The following ANO3 variants were observed in gnomAD, a reference collection of about 807,000 sequenced individuals.
ANO3 encodes anoctamin-3.
In ANO3, 99 loss-of-function variants were observed where a neutral mutation model predicts 144.8. The observed-to-expected ratio is 0.68, with a 90% CI of 0.58 to 0.81. The LOEUF (loss-of-function observed/expected upper bound fraction) is 0.81. Among genes scored for constraint, ANO3 ranks in the 30% least tolerant of loss-of-function variants. The pLI, the probability that ANO3 is intolerant of heterozygous loss-of-function variation, is 0.00. For synonymous variants in ANO3, 414 were observed against 392.6 expected (o/e 1.05, Z -0.64); for missense variants, 905 against 1,202.2 (o/e 0.75, Z 3.66).
intron 17 of ANO3, among the ~76,000 whole-genome samples, chr11:26,614,031 A>G (rs1423596558): frequency 1.3e-5 from 2 of 152,220 alleles, no homozygotes; most frequent in Non-Finnish European, 2.9e-5. Context: ...CTGTCAGGCC[A>G]TGCAGGCACA....
intron 1 of ANO3, among the ~76,000 whole-genome samples, chr11:26,215,467 C>T (rs1333714694): frequency 6.6e-6 from 1 of 151,806 alleles, no homozygotes; most frequent in African/African-American, 2.4e-5. Context: ...TTTTTTCCCC[C>T]TATTGGGACA....
chr11:26,317,758 G>A (rs1292850548), intron 1 of ANO3, among the ~76,000 whole-genome samples: 4 of 152,132 alleles, frequency 2.6e-5, no homozygotes, highest in South Asian at 2.1e-4. Context: ...CCATTACTGG[G>A]TATATACCCA....
chr11:26,295,623 T>C (rs2133857960), intron 1 of ANO3, among the ~76,000 whole-genome samples: 1 of 152,232 alleles, frequency 6.6e-6, no homozygotes, highest in African/African-American at 2.4e-5. Flanking sequence ...AAAAAAGTTA[T>C]TAATTTTTTA....
At chr11:26,199,359 G>C (rs1851648944) in intron 1 of ANO3, among the ~76,000 whole-genome samples, 1 of 152,058 alleles carries the variant, frequency 6.6e-6, no homozygotes, top group Non-Finnish European at 1.5e-5. Context: ...AATTTGTAGG[G>C]GGAGGAGGAG....
At chr11:26,189,136 A>T (rs1851428280) in exon 1 of ANO3, 1 of 914,390 alleles carries the variant, frequency 1.1e-6, no homozygotes, top group African/African-American at 1.8e-5. Context: ...AGAATTCAAT[A>T]GTGTGAACTT....
intron 3 of ANO3, chr11:26,460,175 T>A (rs1460478829): frequency 7.7e-6 from 3 of 391,258 alleles, no homozygotes; most frequent in Non-Finnish European, 1.5e-5. Flanking sequence ...CTAATATTAT[T>A]TGTTTTCTTA....
intron 14 of ANO3, among the ~76,000 whole-genome samples, chr11:26,564,767 A>AGTT (rs1850492208): frequency 1.0e-5 from 1 of 98,962 alleles, no homozygotes. Flanking sequence ...ATATATATAT[A>AGTT]TATATATATA....
chr11:26,321,333 T>A lies in ANO3; in HGVS notation c.-3+11614T>A, dbSNP rs191684773. Among the ~76,000 whole-genome samples the A allele has an allele frequency of 9.2e-5, 14 of 152,196 alleles. No homozygotes were observed. The East Asian group carries it at 2.7e-3, about 29-fold the overall frequency. On this transcript the variant is annotated intron_variant, in intron 1 of 26. Transcript: ENST00000525139. ...CAACCACCTGGATTTGCTGAGAGAA[T>A]TGACAACAAACTAGAATTTATTTAA...
At chr11:26,215,716 T>C (rs1337005986) in intron 1 of ANO3, among the ~76,000 whole-genome samples, 4 of 152,010 alleles carry the variant, frequency 2.6e-5, no homozygotes, top group Non-Finnish European at 5.9e-5. Flanking sequence ...ATATATACTT[T>C]TAACTATCAC....
chr11:26,384,660 C>T (rs1232635858), intron 1 of ANO3, among the ~76,000 whole-genome samples: 1 of 152,136 alleles, frequency 6.6e-6, no homozygotes, highest in African/African-American at 2.4e-5. Context: ...TCCAGTTTTC[C>T]CCATTGTTCC....
intron 1 of ANO3, among the ~76,000 whole-genome samples, chr11:26,343,842 T>A (rs1855427927): frequency 6.6e-6 from 1 of 152,220 alleles, no homozygotes; most frequent in Admixed American, 6.5e-5. Context: ...TTTGTAGTAG[T>A]ACATACTAAA....
rs566844989 is a variant in ANO3, at chr11:26,271,565, T to G, written c.155-38080T>G. 2.0e-4 allele frequency among the ~76,000 whole-genome samples: 30 copies of G among 152,336 alleles called. No homozygotes were observed. In the South Asian group the frequency reaches 6.2e-3, roughly 32 times the overall value. ...ATTTATTTCTTTTATTTAAGCTCTT[T>G]CTACACATTTTATCACCCTTCATTG... On this transcript the variant is annotated intron_variant, in intron 1 of 27. Transcript: ENST00000672621.
intron 23 of ANO3, 145 bp from the exon 24 acceptor site, chr11:26,647,564 G>A: frequency 1.5e-6 from 1 of 647,634 alleles, no homozygotes; most frequent in Non-Finnish European, 2.6e-6. Context: ...TATAATGTCT[G>A]TATTGAGATA....
chr11:26,208,632 T>C (rs1851867834), intron 1 of ANO3, among the ~76,000 whole-genome samples: 1 of 152,106 alleles, frequency 6.6e-6, no homozygotes, highest in South Asian at 2.1e-4. Context: ...ATAGCCACAC[T>C]CTGTGGATCA....
At chr11:26,652,672 C>T (rs1294882674) in intron 24 of ANO3, among the ~76,000 whole-genome samples, 2 of 152,212 alleles carry the variant, frequency 1.3e-5, no homozygotes, top group African/African-American at 4.8e-5. Context: ...CTTGTCCTGG[C>T]TGCCTTCCAG....
chr11:26,515,589 T>A, intron 5 of ANO3, among the ~76,000 whole-genome samples: 1 of 151,978 alleles, frequency 6.6e-6, no homozygotes, highest in Non-Finnish European at 1.5e-5. Context: ...CTGCTTAGAA[T>A]TTGGGGCTAT....
upstream of ANO3, chr11:26,331,956 C>T (rs547384279): frequency 1.4e-4 from 69 of 501,916 alleles, no homozygotes; most frequent in Non-Finnish European, 2.3e-4. Flanking sequence ...TCTCCTCCTC[C>T]AGTAAAGTCT....
chr11:26,547,073 T>C lies in ANO3; in HGVS notation c.1155-343T>C, dbSNP rs151303891. Reference sequence around the variant, plus strand: ...AGGGGAGACCTTTTCTTAATTTTCATGAAAGCTATATGGTTTAGAGCAGCT... The same window carrying C: ...AGGGGAGACCTTTTCTTAATTTTCACGAAAGCTATATGGTTTAGAGCAGCT... On this transcript the variant is annotated intron_variant, in intron 11 of 26. Coordinates refer to ENST00000256737, the MANE Select transcript of ANO3 (RefSeq NM_031418.4). 1.7e-4 allele frequency among the ~76,000 whole-genome samples: 26 copies of C among 151,896 alleles called. 1 individual carries two copies. In the East Asian group the frequency reaches 4.7e-3, roughly 27 times the overall value.
intron 1 of ANO3, among the ~76,000 whole-genome samples, chr11:26,369,249 C>T (rs1856181217): frequency 6.6e-6 from 1 of 152,080 alleles, no homozygotes; most frequent in Non-Finnish European, 1.5e-5. Context: ...TTCTGAAATT[C>T]TTATCAGATT....
Sources: gnomAD v4.1 joint callset for allele counts (sites outside exome capture counted in the v4.1 genomes callset) on GRCh38, gnomAD v4.1.1 for gene constraint, MANE v1.5 for transcripts, NCBI Gene and HGNC (gene_info 2026-07-23, HGNC 2026-07-21) for gene names.